The following MTSS1 variants were observed in gnomAD, a reference collection of about 807,000 sequenced individuals.
MTSS1 encodes protein MTSS 1.
A neutral mutation model predicts 79.0 loss-of-function variants in MTSS1; 18 were observed. That is an observed-to-expected ratio of 0.23 (90% CI 0.16 to 0.34). MTSS1 has a LOEUF of 0.34. Among genes scored for constraint, MTSS1 ranks in the 10% least tolerant of loss-of-function variants. The pLI is 1.00. For missense variants in MTSS1, 815 were observed against 986.2 expected (o/e 0.83, Z 2.33); for synonymous variants, 341 against 368.6 (o/e 0.93, Z 0.86).
chr8:124,589,254 C>T (rs1327730033), intron 5 of MTSS1, among the ~76,000 whole-genome samples: 4 of 152,110 alleles, frequency 2.6e-5, no homozygotes, highest in African/African-American at 9.7e-5. Context: ...TGGTCTCAAA[C>T]TCCTGACCTC....
chr8:124,628,550 G>T (rs1405253298), intron 3 of MTSS1, among the ~76,000 whole-genome samples: 1 of 152,262 alleles, frequency 6.6e-6, no homozygotes, highest in South Asian at 2.1e-4. Flanking sequence ...CTCTGGGAAG[G>T]GGCAGAAGAA....
At chr8:124,641,962 A>AT (rs5894718) in intron 3 of MTSS1, among the ~76,000 whole-genome samples, 47,396 of 151,988 alleles carry the variant, frequency 0.31, 9,958 homozygotes, top group African/African-American at 0.6. Context: ...AATAAGTGTG[A>AT]TTTTTTTTCA....
At chr8:124,709,700 T>G (rs917942777) in intron 1 of MTSS1, among the ~76,000 whole-genome samples, 1 of 152,168 alleles carries the variant, frequency 6.6e-6, no homozygotes, top group Admixed American at 6.5e-5. Context: ...TTTACAAGCG[T>G]GTAAAGAGGA....
chr8:124,710,990 C>A (rs1464922129), intron 1 of MTSS1, among the ~76,000 whole-genome samples: 1 of 152,196 alleles, frequency 6.6e-6, no homozygotes, highest in African/African-American at 2.4e-5. Context: ...AGGTGCCAGA[C>A]AGAGGCTGGC....
At chr8:124,631,112 C>G (rs555157701) in intron 3 of MTSS1, among the ~76,000 whole-genome samples, 15 of 152,302 alleles carry the variant, frequency 9.8e-5, no homozygotes, top group Admixed American at 3.3e-4. Flanking sequence ...AGGATTCGCC[C>G]TTGAGCCTGA....
chr8:124,653,248 G>C (rs1270397479), intron 3 of MTSS1, among the ~76,000 whole-genome samples: 2 of 152,208 alleles, frequency 1.3e-5, no homozygotes, highest in African/African-American at 4.8e-5. Context: ...GGTGACAATT[G>C]GTTGGGGACA....
intron 3 of MTSS1, among the ~76,000 whole-genome samples, chr8:124,666,567 C>G (rs1277446156): frequency 6.6e-6 from 1 of 152,222 alleles, no homozygotes; most frequent in African/African-American, 2.4e-5. Flanking sequence ...CCGGGATCCA[C>G]AGACCCCTTG....
chr8:124,647,040 G>C (rs75315770), intron 3 of MTSS1, among the ~76,000 whole-genome samples: 5,910 of 152,206 alleles, frequency 0.039, 272 homozygotes, highest in East Asian at 0.18. Context: ...TGTAGAGATG[G>C]GGTCTCACTA....
At chr8:124,714,109 A>T (rs1205087193) in intron 1 of MTSS1, among the ~76,000 whole-genome samples, 2 of 152,184 alleles carry the variant, frequency 1.3e-5, no homozygotes, top group African/African-American at 4.8e-5. Context: ...GAAGAGGTTT[A>T]TGGTTAGTCA....
At chr8:124,637,749 G>C (rs539977439) in intron 3 of MTSS1, among the ~76,000 whole-genome samples, 1 of 152,164 alleles carries the variant, frequency 6.6e-6, no homozygotes. Flanking sequence ...GTCTAAGTGA[G>C]GGGGGGTAAT....
At chr8:124,685,909 G>T (rs1826887934) in intron 3 of MTSS1, among the ~76,000 whole-genome samples, 1 of 152,178 alleles carries the variant, frequency 6.6e-6, no homozygotes, top group Non-Finnish European at 1.5e-5. Context: ...CGGGGTGAAG[G>T]CGGAACGCAA....
intron 11 of MTSS1, 58 bp from the exon 12 acceptor site, chr8:124,556,463 G>C: frequency 6.5e-7 from 1 of 1,535,986 alleles, no homozygotes; most frequent in Non-Finnish European, 8.8e-7. Flanking sequence ...GAGGGCTGCG[G>C]GGACCCCATA....
chr8:124,671,697 T>C (rs1215770396), intron 3 of MTSS1, among the ~76,000 whole-genome samples: 3 of 152,228 alleles, frequency 2.0e-5, no homozygotes, highest in Non-Finnish European at 1.5e-5. Flanking sequence ...CAGTGGTTAC[T>C]GGACACCTGA....
At position 124,685,868 on chromosome 8, in the gene MTSS1, G is replaced by C. The variant is rs545511255; in HGVS notation, c.208+13658C>G. Among the ~76,000 whole-genome samples, 3 of 152,290 alleles carry C rather than the reference G, an allele frequency of 2.0e-5. No homozygotes were observed. The South Asian group carries it at 6.2e-4, about 32-fold the overall frequency. On this transcript the variant is annotated intron_variant, in intron 3 of 13. Coordinates refer to ENST00000518547, the MANE Select transcript of MTSS1 (RefSeq NM_014751.6). ...GGATCCCAAACAGCGGCAGAAGTTG[G>C]AGACAGACAAGTGGGAGGGGACAGG...
rs1554671348 is a variant in MTSS1 at position 124,611,113 on chromosome 8, C to CCG, written c.209-19879_209-19878insCG. Among the ~76,000 whole-genome samples the CCG allele has an allele frequency of 1.1e-3, 159 of 148,702 alleles. 4 individuals carry two copies. Among genetic ancestry groups the CCG allele is most frequent in the Admixed American group, 3.1e-3 (47 of 15,082 alleles). On this transcript the variant is annotated intron_variant, in intron 3 of 13. Coordinates refer to ENST00000518547, the MANE Select transcript of MTSS1 (RefSeq NM_014751.6). ...CACAAACCCACCAGACAGACCCCCC[C>CCG]CCCCCAGCATGTGACTCAACAGTCA... is the stretch of plus-strand genomic sequence containing the variant.
At chr8:124,622,452 A>G (rs1345456283) in intron 3 of MTSS1, among the ~76,000 whole-genome samples, 1 of 150,146 alleles carries the variant, frequency 6.7e-6, no homozygotes, top group Admixed American at 6.6e-5. Flanking sequence ...GATTTCTGCT[A>G]AGACAGTAGA....
intron 3 of MTSS1, among the ~76,000 whole-genome samples, chr8:124,680,265 G>T (rs1825921043): frequency 6.6e-6 from 1 of 152,234 alleles, no homozygotes; most frequent in Non-Finnish European, 1.5e-5. Flanking sequence ...CGCAGGCTCA[G>T]GAATTAGATA....
intron 3 of MTSS1, among the ~76,000 whole-genome samples, chr8:124,631,891 A>C (rs1158293406): frequency 2.0e-5 from 3 of 152,178 alleles, no homozygotes; most frequent in Non-Finnish European, 4.4e-5. Context: ...CACTGCAGCT[A>C]CTGGAATAAC....
At chr8:124,682,202 G>A (rs896529669) in intron 3 of MTSS1, among the ~76,000 whole-genome samples, 2 of 150,618 alleles carry the variant, frequency 1.3e-5, no homozygotes, top group Admixed American at 6.6e-5. Context: ...TCCATTTTAC[G>A]CTAAAGCCAT....
Sources: gnomAD v4.1 joint callset for allele counts (sites outside exome capture counted in the v4.1 genomes callset) on GRCh38, gnomAD v4.1.1 for gene constraint, MANE v1.5 for transcripts, NCBI Gene and HGNC (gene_info 2026-07-23, HGNC 2026-07-21) for gene names.